CDH18: variants seen among roughly 807,000 people sequenced by gnomAD.
The protein encoded by CDH18 is cadherin 18.
Under a neutral mutation model 67.9 loss-of-function variants are expected in CDH18, and 31 were observed. The ratio of observed to expected loss-of-function variants is 0.46; its 90% CI spans 0.34 to 0.62. The LOEUF (loss-of-function observed/expected upper bound fraction) is 0.62. Among genes scored for constraint, CDH18 ranks in the 20% least tolerant of loss-of-function variants. CDH18 has a pLI of 0.01. For synonymous variants in CDH18, 362 were observed against 347.2 expected (o/e 1.04, Z -0.48); for missense variants, 890 against 975.5 (o/e 0.91, Z 1.17).
At chr5:19,592,396 A>C (rs1304202961) in intron 6 of CDH18, among the ~76,000 whole-genome samples, 2 of 152,112 alleles carry the variant, frequency 1.3e-5, no homozygotes, top group Non-Finnish European at 2.9e-5. Flanking sequence ...CAAGTTAAAA[A>C]AGCTTATTAG....
At chr5:19,600,428 A>G (rs1405601145) in intron 6 of CDH18, among the ~76,000 whole-genome samples, 2 of 151,608 alleles carry the variant, frequency 1.3e-5, no homozygotes, top group South Asian at 2.1e-4. Flanking sequence ...AAATTAACTT[A>G]TATCTACTGA....
At chr5:19,519,813 G>A (rs1187484657) in intron 10 of CDH18, among the ~76,000 whole-genome samples, 1 of 151,998 alleles carries the variant, frequency 6.6e-6, no homozygotes, top group East Asian at 1.9e-4. Flanking sequence ...TGACTTTCTC[G>A]GGTCTGTATC....
intron 3 of CDH18, among the ~76,000 whole-genome samples, chr5:19,768,472 T>C (rs1427156014): frequency 2.0e-5 from 3 of 152,082 alleles, no homozygotes; most frequent in African/African-American, 7.2e-5. Context: ...TAACTTCTAG[T>C]TAAACTTGGG....
intron 2 of CDH18, among the ~76,000 whole-genome samples, chr5:20,086,381 G>T (rs370426970): frequency 1.3e-5 from 2 of 152,218 alleles, no homozygotes; most frequent in Non-Finnish European, 2.9e-5. Flanking sequence ...AAGCTACACC[G>T]ATTTATCTGG....
At chr5:20,226,978 T>A (rs1741683652) in intron 2 of CDH18, among the ~76,000 whole-genome samples, 1 of 152,104 alleles carries the variant, frequency 6.6e-6, no homozygotes, top group African/African-American at 2.4e-5. Flanking sequence ...CCATTGTGAA[T>A]GTGCTTTTAC....
At chr5:19,495,939 T>A (rs765188510) in intron 11 of CDH18, among the ~76,000 whole-genome samples, 3 of 150,960 alleles carry the variant, frequency 2.0e-5, no homozygotes, top group Non-Finnish European at 4.4e-5. Context: ...ATGAGGGGAG[T>A]TTTTGGAAGT....
chr5:19,664,014 A>G (rs1757559891), intron 5 of CDH18, among the ~76,000 whole-genome samples: 1 of 151,916 alleles, frequency 6.6e-6, no homozygotes, highest in Non-Finnish European at 1.5e-5. Flanking sequence ...GTACATTATT[A>G]AAATAGTACT....
intron 2 of CDH18, among the ~76,000 whole-genome samples, chr5:19,950,818 A>C (rs538926637): frequency 6.6e-6 from 1 of 152,292 alleles, no homozygotes; most frequent in East Asian, 1.9e-4. Context: ...TAGAAATGAA[A>C]TATTAATTTT....
intron 5 of CDH18, among the ~76,000 whole-genome samples, chr5:19,640,437 A>T (rs555237610): frequency 4.7e-4 from 72 of 152,258 alleles, no homozygotes; most frequent in African/African-American, 1.7e-3. Flanking sequence ...AATCACAAAG[A>T]TAAAACCTAT....
chr5:20,030,948 T>C (rs959779499), intron 2 of CDH18, among the ~76,000 whole-genome samples: 1 of 152,142 alleles, frequency 6.6e-6, no homozygotes, highest in Admixed American at 6.6e-5. Context: ...ATTGACTATT[T>C]AAATAGAAAA....
chr5:20,105,497 G>A (rs1009938850), intron 2 of CDH18, among the ~76,000 whole-genome samples: 2 of 152,072 alleles, frequency 1.3e-5, no homozygotes, highest in East Asian at 1.9e-4. Flanking sequence ...AAGCATGTTC[G>A]CAGTGTTGAG....
intron 5 of CDH18, among the ~76,000 whole-genome samples, chr5:19,716,253 A>G (rs1277743409): frequency 6.6e-6 from 1 of 152,156 alleles, no homozygotes; most frequent in African/African-American, 2.4e-5. Flanking sequence ...TGGAAACAGA[A>G]GCAAAAAACT....
chr5:19,909,968 T>C (rs1790947602), intron 2 of CDH18, among the ~76,000 whole-genome samples: 1 of 152,182 alleles, frequency 6.6e-6, no homozygotes, highest in African/African-American at 2.4e-5. Context: ...CCCATGAACA[T>C]AGATTAACTT....
intron 7 of CDH18, among the ~76,000 whole-genome samples, chr5:19,589,423 CCA>C (rs779218623): frequency 3.4e-4 from 52 of 152,008 alleles, no homozygotes; most frequent in Non-Finnish European, 4.3e-4. Context: ...AAAAATTAAT[CCA>C]GTTTACCTGA....
At chr5:20,246,095 G>A (rs192543788) in intron 2 of CDH18, among the ~76,000 whole-genome samples, 10 of 152,258 alleles carry the variant, frequency 6.6e-5, no homozygotes, top group Admixed American at 6.5e-4. Flanking sequence ...TTCATAAGGT[G>A]TTGCTAAATA....
intron 1 of CDH18, among the ~76,000 whole-genome samples, chr5:20,411,612 C>G (rs555097006): frequency 2.2e-4 from 33 of 150,892 alleles, no homozygotes; most frequent in Non-Finnish European, 4.0e-4. Context: ...GACTACATGA[C>G]ACAAAGAAGC....
chr5:20,284,091 C>G (rs1325915802), intron 1 of CDH18, among the ~76,000 whole-genome samples: 1 of 151,780 alleles, frequency 6.6e-6, no homozygotes, highest in Non-Finnish European at 1.5e-5. Flanking sequence ...ATGATAGTTA[C>G]CAGGGGCTGG....
intron 12 of CDH18, among the ~76,000 whole-genome samples, chr5:19,481,870 A>C (rs1263854540): frequency 6.6e-6 from 1 of 152,224 alleles, no homozygotes; most frequent in East Asian, 1.9e-4. Context: ...AGAGAAAGAA[A>C]AAAGACTTTG....
At chr5:19,664,592 T>C (rs542141894) in intron 5 of CDH18, among the ~76,000 whole-genome samples, 1 of 30,630 alleles carries the variant, frequency 3.3e-5, no homozygotes, top group South Asian at 1.9e-3. Context: ...CAAATATATA[T>C]GCAAAGACGT....
Sources: gnomAD v4.1 joint callset for allele counts (sites outside exome capture counted in the v4.1 genomes callset) on GRCh38, gnomAD v4.1.1 for gene constraint, MANE v1.5 for transcripts, NCBI Gene and HGNC (gene_info 2026-07-23, HGNC 2026-07-21) for gene names.